Variants in ENPEP observed in about 807,000 individuals in gnomAD.
ENPEP encodes the protein glutamyl aminopeptidase.
In ENPEP, 103 loss-of-function variants were observed where a neutral mutation model predicts 114.5. That is an observed-to-expected ratio of 0.90 (90% CI 0.77 to 1.06). The LOEUF (loss-of-function observed/expected upper bound fraction) is 1.06. Among genes scored for constraint, ENPEP ranks in the 50% least tolerant of loss-of-function variants. The pLI is 0.00. For missense variants in ENPEP, 1,196 were observed against 1,161.3 expected (o/e 1.03, Z -0.43); for synonymous variants, 420 against 422.0 (o/e 1.00, Z 0.06).
intron 10 of ENPEP, among the ~76,000 whole-genome samples, chr4:110,530,025 G>A (rs1054962721): frequency 2.0e-5 from 3 of 152,094 alleles, no homozygotes; most frequent in Non-Finnish European, 2.9e-5. Flanking sequence ...GCAGTGAGCC[G>A]AGTCCGTGCC....
intron 7 of ENPEP, 63 bp downstream of exon 7, chr4:110,513,612 A>T: frequency 6.3e-7 from 1 of 1,581,870 alleles, no homozygotes; most frequent in Non-Finnish European, 8.6e-7. Flanking sequence ...TTTAGTGGAT[A>T]CCTAAAAATG....
rs1280812075 is a variant in ENPEP at position 110,488,701 on chromosome 4, T to A, written c.786+19T>A. The A allele has an allele frequency of 6.2e-7, 1 of 1,602,640 alleles. No individual in the cohort carries two copies. The highest frequency in any genetic ancestry group is 1.7e-5 in the Admixed American group (1 of 57,342). On this transcript the variant is annotated intron_variant, in intron 2 of 19. Coordinates refer to ENST00000265162, the MANE Select transcript of ENPEP (RefSeq NM_001977.4). ...AGTGGCGGTAAGTATTTTTTAAATG[T>A]TTTGTTTATGCAGAGAGTCTGTTGA...
rs1724124699 is a variant in ENPEP at position 110,476,789 on chromosome 4, G to A, written c.375G>A (p.Leu125=). ...YTGTVSISIN[L]SAPTRYLWLH... ...GCACCGTGAGCATCTCCATCAACCT[G>A]AGCGCTCCCACCCGGTACCTGTGGC... Residue 125 remains leucine, a synonymous_variant, in exon 1 of 20, where the codon CTG becomes CTA. Coordinates refer to ENST00000265162, the MANE Select transcript of ENPEP (RefSeq NM_001977.4). The A allele has an allele frequency of 1.2e-6, 2 of 1,614,168 alleles. No individual in the cohort carries two copies. The highest frequency in any genetic ancestry group is 1.7e-6 in the Non-Finnish European group (2 of 1,180,028).
At chr4:110,493,394 T>G (rs1278531739) in intron 3 of ENPEP, among the ~76,000 whole-genome samples, 1 of 152,216 alleles carries the variant, frequency 6.6e-6, no homozygotes, top group Non-Finnish European at 1.5e-5. Context: ...ACAAACATAA[T>G]ATTGTTTTAA....
chr4:110,476,453 C>T lies in ENPEP; in HGVS notation c.39C>T (p.Cys13=), dbSNP rs758858347. The part of the protein sequence containing the change: ...FAEREGSKRY[C]IQTKHVAILC... Reference sequence around the variant, plus strand: ...AGAGAGAGGGCTCTAAGAGATACTGCATTCAAACGAAACATGTGGCCATTC... The same window carrying T: ...AGAGAGAGGGCTCTAAGAGATACTGTATTCAAACGAAACATGTGGCCATTC... Residue 13 remains cysteine (C), a synonymous_variant, in exon 1 of 20, where the codon TGC becomes TGT. Coordinates refer to ENST00000265162, the MANE Select transcript of ENPEP (RefSeq NM_001977.4). The T allele has an allele frequency of 6.5e-7, 1 of 1,546,858 alleles. No homozygotes were observed. Among genetic ancestry groups the T allele is most frequent in the Non-Finnish European group, 8.7e-7 (1 of 1,144,104 alleles).
intron 13 of ENPEP, among the ~76,000 whole-genome samples, chr4:110,545,293 A>T (rs1365176064): frequency 6.6e-6 from 1 of 152,064 alleles, no homozygotes; most frequent in African/African-American, 2.4e-5. Flanking sequence ...ACTTGATGTG[A>T]AGAGGTAGTA....
At chr4:110,499,401 T>A (rs1312727272) in intron 3 of ENPEP, among the ~76,000 whole-genome samples, 1 of 152,226 alleles carries the variant, frequency 6.6e-6, no homozygotes, top group Non-Finnish European at 1.5e-5. Flanking sequence ...AAAACAAACT[T>A]TGTCCTGAAC....
At chr4:110,484,054 C>G (rs960863731) in intron 1 of ENPEP, among the ~76,000 whole-genome samples, 1 of 152,000 alleles carries the variant, frequency 6.6e-6, no homozygotes, top group African/African-American at 2.4e-5. Flanking sequence ...TAATTTTGTT[C>G]CAGTATATAT....
At chr4:110,478,484 G>A (rs1187773045) in intron 1 of ENPEP, among the ~76,000 whole-genome samples, 1 of 152,176 alleles carries the variant, frequency 6.6e-6, no homozygotes, top group Non-Finnish European at 1.5e-5. Context: ...GCATATTAAT[G>A]TATATTCTAA....
chr4:110,538,184 C>T (rs1011223076), intron 11 of ENPEP, among the ~76,000 whole-genome samples: 8 of 152,214 alleles, frequency 5.3e-5, no homozygotes, highest in African/African-American at 1.9e-4. Context: ...ATTGACTTCT[C>T]TCTAGCTGTG....
chr4:110,543,097 C>T, intron 13 of ENPEP, 27 bp downstream of exon 13: 3 of 1,587,220 alleles, frequency 1.9e-6, no homozygotes, highest in African/African-American at 2.7e-5. Flanking sequence ...GACTAAATTA[C>T]TTAAAATACT....
rs1727205754 is a variant in ENPEP at position 110,549,542 on chromosome 4, C to G, written c.2240C>G (p.Ser747Cys). 6.2e-7 allele frequency: 1 copy of G among 1,613,360 alleles called. No individual in the cohort carries two copies. The highest frequency in any genetic ancestry group is 8.5e-7 in the Non-Finnish European group (1 of 1,179,618). The change falls in exon 16 of 20, where the codon TCC becomes TGC. Residue 747 changes from serine to cysteine, a missense_variant. Physicochemically the swap from Ser to Cys is moderately radical, Grantham distance 112. Coordinates refer to ENST00000265162, the MANE Select transcript of ENPEP (RefSeq NM_001977.4). ...TGTTTTTTAAGGTTACTCCGTTCCT[C>G]CGTGTTAGGGTTTGCGTGCAAGATG... ...GDHVTKLLRS[S>C]VLGFACKMGD...
At chr4:110,543,968 CTG>C (rs1046658462) in intron 13 of ENPEP, among the ~76,000 whole-genome samples, 1 of 152,020 alleles carries the variant, frequency 6.6e-6, no homozygotes, top group African/African-American at 2.4e-5. Context: ...CAGCTCCTGA[CTG>C]TACGTTGCCA....
Position 110,561,472 on chromosome 4 carries a change from G to A in ENPEP, c.2788G>A (p.Glu930Lys), listed in dbSNP as rs774911021. The change falls in exon 20 of 20, where the codon GAA (glutamate) becomes AAA (lysine). Residue 930 changes from glutamate (E) to lysine (K), a missense_variant. Transcript: ENST00000265162. The part of the protein sequence containing the change: ...AGEKPREQVL[E>K]TVKNNIEWLK... ...AGAAAAACCTAGGGAACAAGTGCTG[G>A]AAACAGTGAAAAACAATATAGAGTG... The A allele has an allele frequency of 6.2e-7, 1 of 1,613,998 alleles. No homozygotes were observed. Among genetic ancestry groups the A allele is most frequent in the Non-Finnish European group, 8.5e-7 (1 of 1,179,946 alleles).
intron 11 of ENPEP, chr4:110,533,194 G>T: frequency 6.0e-6 from 2 of 333,528 alleles, no homozygotes; most frequent in South Asian, 4.7e-5. Context: ...GCACTTTCAT[G>T]GAATGAAGTT....
chr4:110,514,646 T>G (rs1457266156), intron 7 of ENPEP, among the ~76,000 whole-genome samples: 1 of 152,126 alleles, frequency 6.6e-6, no homozygotes, highest in Non-Finnish European at 1.5e-5. Flanking sequence ...TCTAAATAGG[T>G]ATAAAATTAA....
chr4:110,545,995 A>G (rs550022346), intron 13 of ENPEP, among the ~76,000 whole-genome samples: 17 of 152,124 alleles, frequency 1.1e-4, no homozygotes, highest in Admixed American at 9.2e-4. Context: ...AAACCTCTTC[A>G]AGTGGTCCCA....
At chr4:110,519,006 A>G (rs1277476240) in intron 8 of ENPEP, 2 of 445,596 alleles carry the variant, frequency 4.5e-6, no homozygotes, top group Non-Finnish European at 4.5e-6. Context: ...TTAAGATATG[A>G]TGAATGATTT....
Position 110,488,623 on chromosome 4 carries a change from T to C in ENPEP, c.727T>C (p.Tyr243His). 3.7e-6 allele frequency: 6 copies of C among 1,613,954 alleles called. No individual in the cohort carries two copies. Among genetic ancestry groups the C allele is most frequent in the Non-Finnish European group, 5.1e-6 (6 of 1,179,944 alleles). The change falls in exon 2 of 20, where the codon TAT becomes CAT. Residue 243 changes from tyrosine (Y) to histidine (H), a missense_variant. Transcript: ENST00000265162. ...CFDEPNKKAT[Y>H]TISITHPKEY... is the part of the protein sequence containing the mutation. The stretch of plus-strand genomic sequence containing the variant: ...TGATGAGCCCAACAAAAAGGCAACT[T>C]ATACAATATCTATCACCCATCCCAA...
Sources: allele counts gnomAD v4.1 joint callset (sites outside exome capture counted in the v4.1 genomes callset), GRCh38; gene constraint gnomAD v4.1.1; transcripts MANE v1.5; gene names NCBI Gene and HGNC (gene_info 2026-07-23, HGNC 2026-07-21).